PCDHGB7: variants seen among roughly 807,000 people sequenced by gnomAD.
PCDHGB7 encodes the protein protocadherin gamma-B7.
PCDHGB7 carries 37 observed loss-of-function variants against 61.4 expected under a neutral mutation model. The observed-to-expected ratio is 0.60, with a 90% CI of 0.46 to 0.79. The LOEUF is 0.79. PCDHGB7 is among the 30% of genes least tolerant of loss of function. The probability of loss-of-function intolerance (pLI) is 0.00; values close to 1 mark genes in which losing one functional copy is unlikely to be tolerated. For synonymous variants in PCDHGB7, 464 were observed against 503.5 expected, an observed-to-expected ratio of 0.92 and a Z score of 1.05; for missense variants, 1,166 against 1,202.5, an observed-to-expected ratio of 0.97 and a Z score of 0.45.
At chr5:141,502,363 T>C (rs1216939790) in intron 2 of PCDHGB7, among the ~76,000 whole-genome samples, 2 of 152,100 alleles carry the variant, frequency 1.3e-5, no homozygotes, top group African/African-American at 4.8e-5. Context: ...ATGGATATTT[T>C]TAAAGAGTCC....
At chr5:141,450,786 C>A (rs1468388706) in intron 1 of PCDHGB7, among the ~76,000 whole-genome samples, 1 of 151,020 alleles carries the variant, frequency 6.6e-6, no homozygotes, top group Admixed American at 6.6e-5. Flanking sequence ...CGTGCCCGGA[C>A]CTCATGATTG....
chr5:141,477,861 G>T lies in PCDHGB7; in HGVS notation c.2416-16946G>T. 6.2e-7 allele frequency: 1 copy of T among 1,612,714 alleles called. No homozygotes were observed. Among genetic ancestry groups the T allele is most frequent in the Non-Finnish European group, 8.5e-7 (1 of 1,179,590 alleles). ...GGGAGCTCGGTGGAGATGCTGCCTC[G>T]AGGTACCTCAGCTGGCCACCTAGTG... On this transcript the variant is annotated intron_variant, in intron 1 of 3. Coordinates refer to ENST00000398594, the MANE Select transcript of PCDHGB7 (RefSeq NM_018927.4). This position sits in a 1 kb window ranked among gnomAD's most constrained non-coding sequence, Gnocchi z 4.9.
intron 1 of PCDHGB7, among the ~76,000 whole-genome samples, chr5:141,484,797 G>C (rs1228143036): frequency 6.6e-6 from 1 of 152,064 alleles, no homozygotes; most frequent in Non-Finnish European, 1.5e-5. Flanking sequence ...ATAACAACCC[G>C]TGGAAAAACA....
At chr5:141,484,899 T>G (rs1296997337) in intron 1 of PCDHGB7, 9 of 398,498 alleles carry the variant, frequency 2.3e-5, no homozygotes, top group Non-Finnish European at 3.1e-5. Flanking sequence ...TCCCCTCCAA[T>G]GCTGCGACGC....
rs187177915 is a variant in PCDHGB7 at position 141,472,338 on chromosome 5, G to A, written c.2416-22469G>A. ...AGGCAGATCACGAGGTTGGGAGATC[G>A]AGACCATCCTGGCTAACACGGTGAA... On this transcript the variant is annotated intron_variant, in intron 1 of 3. Transcript: ENST00000398594. Among the ~76,000 whole-genome samples, 23 of 151,526 alleles carry A rather than the reference G, an allele frequency of 1.5e-4. No homozygotes were observed. The East Asian group carries it at 3.2e-3, about 21-fold the overall frequency.
In PCDHGB7 at chr5:141,431,465, AACG is replaced by A; in HGVS notation, c.2415+11194_2415+11196del. 1.9e-6 allele frequency: 3 copies of A among 1,613,790 alleles called. No homozygotes were observed. The highest frequency in any genetic ancestry group is 2.5e-6 in the Non-Finnish European group (3 of 1,179,970). ...CATCCGCGTGATGGTTCTGGATGCGAACGACAACGCACCAGCGTTTGCTCAGCC... is the reference window on the plus strand; with the variant it reads ...CATCCGCGTGATGGTTCTGGATGCGAACAACGCACCAGCGTTTGCTCAGCC... On this transcript the variant is annotated intron_variant, in intron 1 of 3. Transcript: ENST00000398594. The surrounding 1 kb of genome is among the most constrained non-coding windows in gnomAD (Gnocchi z 4.8).
chr5:141,429,421 C>T (rs1223756901), intron 1 of PCDHGB7, among the ~76,000 whole-genome samples: 1 of 151,486 alleles, frequency 6.6e-6, no homozygotes, highest in Non-Finnish European at 1.5e-5. Context: ...CATTATGTTG[C>T]CCAGGCTGGA....
chr5:141,449,537 C>T (rs1377909573), intron 1 of PCDHGB7, among the ~76,000 whole-genome samples: 1 of 146,330 alleles, frequency 6.8e-6, no homozygotes, highest in Non-Finnish European at 1.5e-5. Flanking sequence ...TGCAGTGAGC[C>T]GAGATCGCAC....
chr5:141,507,344 AT>A (rs1345461058), intron 3 of PCDHGB7: 5 of 152,206 alleles, frequency 3.3e-5, no homozygotes, highest in Non-Finnish European at 5.9e-5. Context: ...TTTACCTGAA[AT>A]TCAAATTTAA....
intron 1 of PCDHGB7, chr5:141,441,780 C>A: frequency 2.6e-6 from 1 of 391,236 alleles, no homozygotes. Flanking sequence ...GGTGGACGAC[C>A]TGAATGACAA....
At chr5:141,496,262 C>G (rs934511905) in intron 2 of PCDHGB7, among the ~76,000 whole-genome samples, 3 of 152,158 alleles carry the variant, frequency 2.0e-5, no homozygotes, top group African/African-American at 7.2e-5. Flanking sequence ...GAAACTTCAG[C>G]AGAAAGACCT....
In PCDHGB7 at chr5:141,432,218, A is replaced by T. The variant is rs570925415; in HGVS notation, c.2415+11944A>T. On this transcript the variant is annotated intron_variant, in intron 1 of 3. Transcript: ENST00000398594. This position sits in a 1 kb window ranked among gnomAD's most constrained non-coding sequence, Gnocchi z 6.0. Reference sequence around the variant, plus strand: ...CCCCGACTGTGAAGAGAACGCCCAGATCACTTATTCCCTGGCTGAGAACAC... The same window carrying T: ...CCCCGACTGTGAAGAGAACGCCCAGTTCACTTATTCCCTGGCTGAGAACAC... The T allele has an allele frequency of 6.2e-7, 1 of 1,614,148 alleles. No homozygotes were observed. The highest frequency in any genetic ancestry group is 1.3e-5 in the African/African-American group (1 of 75,030).
At chr5:141,510,849 G>C (rs959784028) in intron 3 of PCDHGB7, 98 bp from the exon 4 acceptor site, 10 of 1,596,568 alleles carry the variant, frequency 6.3e-6, no homozygotes, top group Middle Eastern at 1.7e-4. Flanking sequence ...CAAGGCCCAG[G>C]GTGCTGTATA....
Position 141,490,732 on chromosome 5 carries a change from G to A in PCDHGB7, c.2416-4075G>A, listed in dbSNP as rs775388969. 6.2e-6 allele frequency: 10 copies of A among 1,614,188 alleles called. No homozygotes were observed. The highest frequency in any genetic ancestry group is 8.5e-6 in the Non-Finnish European group (10 of 1,180,042). ...CACCTACTCCATTGTAGGAAATCAG[G>A]TTCAGGGAGCCCCAGCCTCCTCCTT... On this transcript the variant is annotated intron_variant, in intron 1 of 3. Transcript: ENST00000398594. This position sits in a 1 kb window ranked among gnomAD's most constrained non-coding sequence, Gnocchi z 5.4.
chr5:141,431,227 C>G lies in PCDHGB7; in HGVS notation c.2415+10953C>G. ...CTGAGATGCGGTTCCCTCTACCCCA[C>G]GCCTGGGATCCGGATATCGGGAAGA... On this transcript the variant is annotated intron_variant, in intron 1 of 3. Coordinates refer to ENST00000398594, the MANE Select transcript of PCDHGB7 (RefSeq NM_018927.4). This position sits in a 1 kb window ranked among gnomAD's most constrained non-coding sequence, Gnocchi z 4.8. 6.2e-7 allele frequency: 1 copy of G among 1,614,180 alleles called. No individual in the cohort carries two copies. Among genetic ancestry groups the G allele is most frequent in the Non-Finnish European group, 8.5e-7 (1 of 1,180,042 alleles).
rs369914837 is a variant in PCDHGB7 at position 141,419,613 on chromosome 5, G to T, written c.1754G>T (p.Gly585Val). Residue 585 changes from glycine (G) to valine (V), a missense_variant, in exon 1 of 4, where the codon GGC (glycine) becomes GTC (valine). By Grantham distance (109) the Gly-to-Val change is moderately radical. Coordinates refer to ENST00000398594, the MANE Select transcript of PCDHGB7 (RefSeq NM_018927.4). ...FDTVPRAAQP[G>V]YLVTKVVAVD... ...ACAGTGCCGCGGGCCGCGCAGCCAG[G>T]CTACCTGGTGACCAAGGTGGTGGCC... is the stretch of plus-strand genomic sequence containing the variant. 144 of 1,612,020 alleles carry T rather than the reference G, an allele frequency of 8.9e-5. No individual in the cohort carries two copies. Among genetic ancestry groups the T allele is most frequent in the Admixed American group, 1.5e-4 (9 of 59,968 alleles).
rs183952562 is a variant in PCDHGB7 at position 141,423,399 on chromosome 5, C to A, written c.2415+3125C>A. On this transcript the variant is annotated intron_variant, in intron 1 of 3. Transcript: ENST00000398594. ...GGCTGTGGCGCTGGCATAAGTCACG[C>A]CTGCTGCAGGCTTCTGAAGGCGGGT... 3.5e-5 allele frequency: 56 copies of A among 1,614,150 alleles called. No homozygotes were observed. The East Asian group carries it at 1.1e-3, about 33-fold the overall frequency.
intron 1 of PCDHGB7, among the ~76,000 whole-genome samples, chr5:141,433,747 G>A (rs566709728): frequency 1.3e-5 from 2 of 150,990 alleles, no homozygotes; most frequent in East Asian, 4.0e-4. Context: ...TGAGTCAGGA[G>A]AATTGCTTTA....
At chr5:141,506,382 G>T (rs1311307230) in intron 3 of PCDHGB7, among the ~76,000 whole-genome samples, 1 of 151,500 alleles carries the variant, frequency 6.6e-6, no homozygotes, top group East Asian at 1.9e-4. Flanking sequence ...CTGGGAGGTG[G>T]CTGTGGTGAG....
Sources: gnomAD v4.1 joint callset for allele counts (sites outside exome capture counted in the v4.1 genomes callset) on GRCh38, gnomAD v4.1.1 for gene constraint, Gnocchi (gnomAD v3.1) non-coding constraint, MANE v1.5 for transcripts, NCBI Gene and HGNC (gene_info 2026-07-23, HGNC 2026-07-21) for gene names.